The following HEPH variants were observed in gnomAD, a reference collection of about 807,000 sequenced individuals.
HEPH encodes the protein hephaestin.
Under a neutral mutation model 80.8 loss-of-function variants are expected in HEPH, and 69 were observed. That is an observed-to-expected ratio of 0.85 (90% CI 0.70 to 1.04). The LOEUF (loss-of-function observed/expected upper bound fraction) is 1.04. Among genes scored for constraint, HEPH ranks in the 50% least tolerant of loss-of-function variants. The probability of loss-of-function intolerance (pLI) is 0.00; values close to 1 mark genes in which losing one functional copy is unlikely to be tolerated. For synonymous variants in HEPH, 431 were observed against 322.8 expected (o/e 1.34, Z -3.60); for missense variants, 1,115 against 891.3 (o/e 1.25, Z -3.20).
chrX:66,208,350 A>G, intron 15 of HEPH, 104 bp downstream of exon 15: 1 of 814,214 alleles, frequency 1.2e-6, no homozygotes, highest in Non-Finnish European at 1.7e-6. Context: ...CTGGAGTGAT[A>G]GCTCATTCCT....
At chrX:66,205,669 C>T (rs1196553670) in intron 13 of HEPH, among the ~76,000 whole-genome samples, 1 of 107,570 alleles carries the variant, frequency 9.3e-6, no homozygotes, top group African/African-American at 3.4e-5. Context: ...GATCTTGGCT[C>T]ACTGCAACCA....
At chrX:66,255,230 A>G in intron 16 of HEPH, 89 bp downstream of exon 16, 1 of 508,380 alleles carries the variant, frequency 2.0e-6, no homozygotes, top group East Asian at 3.6e-5. Context: ...CTTACTCCTG[A>G]GATTCTAGAG....
chrX:66,228,462 A>G (rs184154681), intron 15 of HEPH, among the ~76,000 whole-genome samples: 3 of 113,281 alleles, frequency 2.6e-5, no homozygotes, highest in African/African-American at 6.4e-5. Flanking sequence ...CCTTCTAGAC[A>G]TTGGCTTGTG....
At chrX:66,232,988 A>G (rs1305899183) in intron 15 of HEPH, among the ~76,000 whole-genome samples, 1 of 111,020 alleles carries the variant, frequency 9.0e-6, no homozygotes, top group African/African-American at 3.3e-5. Flanking sequence ...CAAGTATATC[A>G]ATTATAGTAC....
intron 15 of HEPH, among the ~76,000 whole-genome samples, chrX:66,234,351 C>T (rs1256364350): frequency 1.8e-5 from 2 of 111,082 alleles, no homozygotes; most frequent in African/African-American, 6.5e-5. Flanking sequence ...CTGTGTCTTT[C>T]CTATTGCGAA....
intron 4 of HEPH, among the ~76,000 whole-genome samples, chrX:66,174,908 T>A (rs1481704543): frequency 8.9e-6 from 1 of 111,960 alleles, no homozygotes. Flanking sequence ...TTGTAGATTC[T>A]GGATGTTAGT....
At chrX:66,213,688 A>C (rs2089259358) in intron 15 of HEPH, among the ~76,000 whole-genome samples, 1 of 112,162 alleles carries the variant, frequency 8.9e-6, no homozygotes, top group Non-Finnish European at 1.9e-5. Context: ...ACATTAAAAA[A>C]AAATACTGAT....
chrX:66,192,056 A>G (rs1289016292), intron 6 of HEPH, 74 bp from the exon 7 acceptor site: 2 of 1,015,334 alleles, frequency 2.0e-6, no homozygotes, highest in Non-Finnish European at 2.7e-6. Flanking sequence ...ACACTAACAG[A>G]AGGAGGAAGG....
intron 4 of HEPH, among the ~76,000 whole-genome samples, chrX:66,176,071 G>A (rs965889614): frequency 4.5e-5 from 5 of 111,313 alleles, no homozygotes; most frequent in African/African-American, 1.6e-4. Context: ...AGTGGTGAGA[G>A]TGGGCATCCT....
chrX:66,254,944 G>C (rs2091126082), intron 15 of HEPH, 91 bp from the exon 16 acceptor site: 1 of 479,382 alleles, frequency 2.1e-6, no homozygotes, highest in Admixed American at 3.4e-5. Flanking sequence ...AAAGAAGATG[G>C]GATTCACTCA....
chrX:66,237,848 G>T (rs750614304), intron 15 of HEPH, among the ~76,000 whole-genome samples: 3 of 112,350 alleles, frequency 2.7e-5, no homozygotes, highest in Non-Finnish European at 5.6e-5. Flanking sequence ...AGGTGCTCTT[G>T]TTGAAGTGAA....
At chrX:66,180,122 T>A (rs2087030315) in intron 4 of HEPH, among the ~76,000 whole-genome samples, 1 of 111,715 alleles carries the variant, frequency 9.0e-6, no homozygotes, top group Non-Finnish European at 1.9e-5. Context: ...CATCATGCTA[T>A]TTGTTGCCTG....
rs376696395 is a variant in HEPH, at chrX:66,192,205, G to T, written c.1139G>T (p.Arg380Leu). The change falls in exon 7 of 21, where the codon CGA becomes CTA. Residue 380 changes from arginine to leucine, a missense_variant. Transcript: ENST00000343002. ...PPVDLLTGKV[R>L]QYFIEAHEIQ... The stretch of plus-strand genomic sequence containing the variant: ...GTGGACCTGCTCACAGGCAAAGTTC[G>T]ACAGTACTTCATTGAGGCCCATGAG... 2 of 1,209,064 alleles carry T rather than the reference G, an allele frequency of 1.7e-6. No homozygotes were observed. Among genetic ancestry groups the T allele is most frequent in the East Asian group, 3.0e-5 (1 of 33,751 alleles).
Position 66,203,502 on chromosome X carries a change from C to T in HEPH, c.2216C>T (p.Ala739Val). The change falls in exon 13 of 21, where the codon GCA (alanine) becomes GTA (valine). Residue 739 changes from alanine (A) to valine (V), a missense_variant. Around this residue, in one of 3 missense-constraint regions of HEPH, gnomAD observed 716 missense variants for 523.5 expected, o/e 1.37. Transcript: ENST00000343002. ...YQAARIYYIM[A>V]EEVEWDYCPD... Reference sequence around the variant, plus strand: ...GCTGCAAGAATCTACTATATCATGGCAGAAGAAGTAGAGTGGGACTATTGC... The same window carrying T: ...GCTGCAAGAATCTACTATATCATGGTAGAAGAAGTAGAGTGGGACTATTGC... The T allele has an allele frequency of 8.3e-7, 1 of 1,211,529 alleles. No individual in the cohort carries two copies.
intron 15 of HEPH, among the ~76,000 whole-genome samples, chrX:66,243,782 G>GT (rs1265318327): frequency 8.9e-6 from 1 of 112,481 alleles, no homozygotes; most frequent in Admixed American, 9.4e-5. Flanking sequence ...ATTTAATCAT[G>GT]TTTTTGTGGT....
chrX:66,190,860 G>A (rs1177939236), intron 6 of HEPH, among the ~76,000 whole-genome samples: 1 of 111,436 alleles, frequency 9.0e-6, no homozygotes, highest in Non-Finnish European at 1.9e-5. Context: ...AGGTAAGAGA[G>A]TATAAATATG....
intron 19 of HEPH, among the ~76,000 whole-genome samples, chrX:66,261,238 C>G (rs774783040): frequency 1.1e-3 from 118 of 111,968 alleles, no homozygotes; most frequent in Admixed American, 4.1e-3. Flanking sequence ...TCATCTAAGG[C>G]TAGAAAGAGA....
intron 4 of HEPH, among the ~76,000 whole-genome samples, chrX:66,176,397 A>T (rs774541554): frequency 1.8e-5 from 2 of 111,452 alleles, no homozygotes; most frequent in Admixed American, 9.5e-5. Flanking sequence ...ATCACAGTGG[A>T]TCATCTTTTT....
chrX:66,166,808 T>G (rs1368725529), intron 1 of HEPH, among the ~76,000 whole-genome samples: 1 of 112,200 alleles, frequency 8.9e-6, no homozygotes, highest in East Asian at 2.8e-4. Context: ...TTGGGCTGTG[T>G]GCATTTTCAT....
Sources: gnomAD v4.1 joint callset for allele counts (sites outside exome capture counted in the v4.1 genomes callset) on GRCh38, gnomAD v4.1.1 for gene constraint, gnomAD v4.1.1 regional missense constraint, MANE v1.5 for transcripts, NCBI Gene and HGNC (gene_info 2026-07-23, HGNC 2026-07-21) for gene names.